Variants in PEMT observed in about 807,000 individuals in gnomAD.
PEMT encodes phosphatidylethanolamine N-methyltransferase.
A neutral mutation model predicts 27.4 loss-of-function variants in PEMT; 23 were observed. The observed-to-expected ratio is 0.84, with a 90% CI of 0.60 to 1.19. PEMT has a LOEUF of 1.19. PEMT is among the 50% of genes most tolerant of loss of function. The pLI is 0.00. For synonymous variants in PEMT, 137 were observed against 139.1 expected, an observed-to-expected ratio of 0.98 and a Z score of 0.11; for missense variants, 307 against 310.1, an observed-to-expected ratio of 0.99 and a Z score of 0.07.
chr17:17,537,203 G>T (rs1908537011), intron 2 of PEMT, among the ~76,000 whole-genome samples: 1 of 152,352 alleles, frequency 6.6e-6, no homozygotes, highest in South Asian at 2.1e-4. Context: ...AAAGAAGGAG[G>T]GAGCCAGCAT....
chr17:17,517,799 G>T (rs66465668), intron 3 of PEMT, among the ~76,000 whole-genome samples: 2 of 152,152 alleles, frequency 1.3e-5, no homozygotes, highest in Non-Finnish European at 2.9e-5. Context: ...AGTGGGGGCC[G>T]CCCTCTCCTG....
intron 2 of PEMT, among the ~76,000 whole-genome samples, chr17:17,552,715 CT>C (rs1214014546): frequency 6.6e-6 from 1 of 150,634 alleles, no homozygotes. Context: ...CTGTCGTTTT[CT>C]TTTTTAATCA....
intron 1 of PEMT, among the ~76,000 whole-genome samples, chr17:17,579,943 C>A (rs1911878447): frequency 6.6e-6 from 1 of 152,236 alleles, no homozygotes; most frequent in Admixed American, 6.5e-5. Flanking sequence ...CCAGCGCCTG[C>A]AGCCAACAAG....
At chr17:17,524,521 C>T (rs926628672) in intron 2 of PEMT, among the ~76,000 whole-genome samples, 13 of 150,500 alleles carry the variant, frequency 8.6e-5, no homozygotes, top group Admixed American at 1.3e-4. Flanking sequence ...CCCAGCACTT[C>T]GGGAGGCTGA....
intron 2 of PEMT, among the ~76,000 whole-genome samples, chr17:17,544,595 C>T (rs1313024392): frequency 6.6e-6 from 1 of 152,168 alleles, no homozygotes; most frequent in Non-Finnish European, 1.5e-5. Flanking sequence ...TGAAGTCCCC[C>T]CACTGCCCCG....
intron 2 of PEMT, among the ~76,000 whole-genome samples, chr17:17,571,650 C>G (rs1195132911): frequency 3.9e-5 from 6 of 152,130 alleles, no homozygotes; most frequent in Admixed American, 3.9e-4. Context: ...GGCCAAGGCC[C>G]CTCTCCAGTG....
At chr17:17,525,737 G>A (rs940272251) in intron 2 of PEMT, among the ~76,000 whole-genome samples, 2 of 152,216 alleles carry the variant, frequency 1.3e-5, no homozygotes, top group African/African-American at 4.8e-5. Context: ...GCTCACGTCT[G>A]TAATCCCAGC....
intron 2 of PEMT, among the ~76,000 whole-genome samples, chr17:17,548,067 T>C (rs1050505555): frequency 6.6e-6 from 1 of 151,926 alleles, no homozygotes; most frequent in African/African-American, 2.4e-5. Context: ...TATCCGAACC[T>C]CCCCCCACCT....
intron 2 of PEMT, among the ~76,000 whole-genome samples, chr17:17,549,381 G>A (rs1163001394): frequency 6.6e-6 from 1 of 152,092 alleles, no homozygotes; most frequent in East Asian, 1.9e-4. Flanking sequence ...GTAGAGATGG[G>A]GTTTCACCAT....
chr17:17,575,566 G>T (rs1391767374), intron 2 of PEMT, among the ~76,000 whole-genome samples: 1 of 152,334 alleles, frequency 6.6e-6, no homozygotes, highest in East Asian at 1.9e-4. Flanking sequence ...CAGGCACTTC[G>T]GCTGCAGCCC....
In PEMT at chr17:17,573,153, C is replaced by T. The variant is rs138857730; in HGVS notation, c.204+3767G>A. Among the ~76,000 whole-genome samples the T allele has an allele frequency of 4.9e-4, 75 of 151,868 alleles. No individual in the cohort carries two copies. The East Asian group carries it at 0.012, about 23-fold the overall frequency. On this transcript the variant is annotated intron_variant, in intron 2 of 6. Coordinates refer to ENST00000255389, the MANE Select transcript of PEMT (RefSeq NM_148172.3). ...GCAGTGAGTCGAGATCGTGCCACTG[C>T]ACTCCAGCCTGGGCAACAGAGCAAG...
In PEMT at chr17:17,512,894, C is replaced by T. The variant is rs1906527046; in HGVS notation, c.321-240G>A. 6.6e-6 allele frequency among the ~76,000 whole-genome samples: 1 copy of T among 152,160 alleles called. No homozygotes were observed. The highest frequency in any genetic ancestry group is 2.4e-5 in the African/African-American group (1 of 41,414). ...ATTTTTTCAAGAGAAGCCAGAAATC[C>T]TGACTCGTATGTGAAATATCCTAAT... is the stretch of plus-strand genomic sequence containing the variant. On this transcript the variant is annotated intron_variant, in intron 3 of 6. Transcript: ENST00000255389. The surrounding 1 kb of genome is among the most constrained non-coding windows in gnomAD (Gnocchi z 6.3).
At chr17:17,571,500 G>T (rs762070035) in intron 2 of PEMT, among the ~76,000 whole-genome samples, 9 of 152,122 alleles carry the variant, frequency 5.9e-5, no homozygotes, top group Non-Finnish European at 1.0e-4. Context: ...GTGGGAGCAG[G>T]TGGCTCACCT....
intron 2 of PEMT, among the ~76,000 whole-genome samples, chr17:17,563,413 G>T (rs894717873): frequency 6.6e-6 from 1 of 151,952 alleles, no homozygotes; most frequent in Non-Finnish European, 1.5e-5. Flanking sequence ...GCCCCACCTC[G>T]CAGGGAGGTA....
Position 17,506,200 on chromosome 17 carries a change from C to T in PEMT, c.653+27G>A, listed in dbSNP as rs750598765. 8.6e-6 allele frequency: 13 copies of T among 1,505,944 alleles called. No homozygotes were observed. The South Asian group carries it at 1.4e-4, about 17-fold the overall frequency. The allele number at this position is 1,505,944 out of a possible 1,614,324, so 93.3% of individuals were successfully genotyped here. A position where few individuals can be genotyped will look rare whatever the true frequency, so the allele number is the denominator to read the frequency against. On this transcript the variant is annotated intron_variant, in intron 6 of 6. Coordinates refer to ENST00000255389, the MANE Select transcript of PEMT (RefSeq NM_148172.3). ...AGACAGGGCCAGTCGGGCAGCCACG[C>T]CCCCACCCGCCGCAGCCCCTACTCA...
intron 2 of PEMT, chr17:17,571,062 A>G (rs1315410222): frequency 5.3e-6 from 1 of 188,086 alleles, no homozygotes; most frequent in Admixed American, 6.5e-5. Flanking sequence ...TGAGACTCAG[A>G]TGACAGAGGG....
At chr17:17,550,008 C>T (rs1465596828) in intron 2 of PEMT, among the ~76,000 whole-genome samples, 1 of 152,226 alleles carries the variant, frequency 6.6e-6, no homozygotes, top group African/African-American at 2.4e-5. Context: ...AGGGTGCTGA[C>T]GGAAATGGAT....
intron 1 of PEMT, among the ~76,000 whole-genome samples, chr17:17,591,271 G>A (rs1912570368): frequency 6.6e-6 from 1 of 152,116 alleles, no homozygotes; most frequent in African/African-American, 2.4e-5. Flanking sequence ...GCCACACACA[G>A]GCACACAATC....
chr17:17,518,866 C>T (rs1048446275), intron 3 of PEMT, among the ~76,000 whole-genome samples: 43 of 152,154 alleles, frequency 2.8e-4, no homozygotes, highest in Admixed American at 7.2e-4. Context: ...CGGGAGATGA[C>T]TGCTCCAGGC....
Sources: allele counts gnomAD v4.1 joint callset (sites outside exome capture counted in the v4.1 genomes callset), GRCh38; gene constraint gnomAD v4.1.1; non-coding constraint Gnocchi (gnomAD v3.1); transcripts MANE v1.5; gene names NCBI Gene and HGNC (gene_info 2026-07-23, HGNC 2026-07-21).